Variants in WHRN observed in about 807,000 individuals in gnomAD.
The protein encoded by WHRN is whirlin.
WHRN carries 41 observed loss-of-function variants against 68.3 expected under a neutral mutation model. The observed-to-expected ratio is 0.60, with a 90% CI of 0.47 to 0.78. The LOEUF (loss-of-function observed/expected upper bound fraction) is 0.78, where lower values mean the gene tolerates loss of function less well. Ranked by LOEUF, WHRN falls within the 30% of genes least tolerant of loss-of-function variation. The pLI, the probability that WHRN is intolerant of heterozygous loss-of-function variation, is 0.00. For synonymous variants in WHRN, 560 were observed against 561.3 expected (o/e 1.00, Z 0.03); for missense variants, 1,243 against 1,244.7 (o/e 1.00, Z 0.02).
rs759899337 is a variant in WHRN, at chr9:114,406,546, C to G, written c.2045G>C (p.Arg682Pro). The G allele has an allele frequency of 1.2e-6, 2 of 1,612,726 alleles. No individual in the cohort carries two copies. Among genetic ancestry groups the G allele is most frequent in the African/African-American group, 2.7e-5 (2 of 74,878 alleles). Residue 682 changes from arginine to proline, a missense_variant, in exon 9 of 12, where the codon CGG becomes CCG. By Grantham distance (103) the Arg-to-Pro change is moderately radical (BLOSUM62 -2). Coordinates refer to ENST00000362057, the MANE Select transcript of WHRN (RefSeq NM_015404.4). ...VNQHPIGPFP[R>P]VQSPPHLKSP... ...TTTCAGGTGCGGGGGTGACTGGACC[C>G]GTGGGAAGGGGCCGATGGGGTGTTG... is the stretch of plus-strand genomic sequence containing the variant.
intron 3 of WHRN, among the ~76,000 whole-genome samples, chr9:114,427,933 C>T (rs1837028011): frequency 2.0e-5 from 3 of 152,206 alleles, no homozygotes; most frequent in African/African-American, 7.2e-5. Context: ...CCATTTAGCT[C>T]ACGATCAAGG....
At chr9:114,448,308 C>T (rs1425531073) in intron 3 of WHRN, among the ~76,000 whole-genome samples, 5 of 152,240 alleles carry the variant, frequency 3.3e-5, no homozygotes, top group South Asian at 4.1e-4. Context: ...TGCCACGAGC[C>T]GAAGACCACC....
In WHRN at chr9:114,504,412, G is replaced by C. The variant is rs186148643; in HGVS notation, c.390C>G (p.Pro130=). 5 of 1,605,856 alleles carry C rather than the reference G, an allele frequency of 3.1e-6. No homozygotes were observed. The highest frequency in any genetic ancestry group is 4.2e-6 in the Non-Finnish European group (5 of 1,179,288). The change falls in exon 1 of 12, where the codon CCC becomes CCG. Residue 130 remains proline (P), a synonymous_variant. Transcript: ENST00000362057. The part of the protein sequence containing the change: ...TPYRQPAWGG[P]DSAGPGEVRL... ...GCACCTCCCCTGGCCCCGCGCTGTC[G>C]GGGCCGCCCCAGGCGGGCTGCCTGT... is the stretch of plus-strand genomic sequence containing the variant.
In WHRN at chr9:114,402,792, T is replaced by A. The variant is rs756666810; in HGVS notation, c.2686A>T (p.Ile896Phe). 1.2e-6 allele frequency: 2 copies of A among 1,614,058 alleles called. No individual in the cohort carries two copies. The highest frequency in any genetic ancestry group is 1.7e-6 in the Non-Finnish European group (2 of 1,180,032). ...EAFKTKDRDY[I>F]DFLVTEFNVM... ...TTGAACTCAGTGACCAGAAAGTCAA[T>A]GTAGTCACGGTCCTTAGTCTTGAAG... Residue 896 changes from isoleucine (I) to phenylalanine (F), a missense_variant, in exon 12 of 12, where the codon ATT becomes TTT. Coordinates refer to ENST00000362057, the MANE Select transcript of WHRN (RefSeq NM_015404.4).
chr9:114,424,267 C>T (rs1388362471), intron 6 of WHRN, 67 bp downstream of exon 6: 17 of 1,567,796 alleles, frequency 1.1e-5, no homozygotes, highest in East Asian at 2.2e-5. Flanking sequence ...AGCAAAGGAG[C>T]GGGGGCAGGG....
chr9:114,406,412 G>C lies in WHRN; in HGVS notation c.2179C>G (p.His727Asp). The C allele has an allele frequency of 6.2e-7, 1 of 1,614,160 alleles. No homozygotes were observed. Among genetic ancestry groups the C allele is most frequent in the Non-Finnish European group, 8.5e-7 (1 of 1,180,046 alleles). Residue 727 changes from histidine to aspartate, a missense_variant, in exon 9 of 12, where the codon CAC becomes GAC. His to Asp is a moderately conservative substitution (Grantham distance 81). Transcript: ENST00000362057. The stretch of plus-strand genomic sequence containing the variant: ...ACGTCTGGCTCGCTGTCGGGGCGGT[G>C]GACCTCCACCATGACAAAGTGCTGG... The part of the protein sequence containing the change: ...TNQHFVMVEV[H>D]RPDSEPDVNE...
chr9:114,486,464 T>C (rs1427392633), intron 1 of WHRN, among the ~76,000 whole-genome samples: 3 of 152,204 alleles, frequency 2.0e-5, no homozygotes, highest in Non-Finnish European at 4.4e-5. Flanking sequence ...CTGTTTCCTT[T>C]AGAACCTCTC....
intron 6 of WHRN, 145 bp downstream of exon 6, chr9:114,424,189 C>T (rs573740724): frequency 4.7e-5 from 44 of 927,854 alleles, no homozygotes; most frequent in Non-Finnish European, 7.6e-5. Flanking sequence ...ATCCTGGGGG[C>T]AGGAGGCTGC....
At chr9:114,441,432 C>T (rs1195614748) in intron 3 of WHRN, among the ~76,000 whole-genome samples, 1 of 152,128 alleles carries the variant, frequency 6.6e-6, no homozygotes, top group Non-Finnish European at 1.5e-5. Flanking sequence ...AGCAATAAGC[C>T]CATCTAGCCC....
At chr9:114,414,272 ACTCACTG>A (rs1392805713) in intron 7 of WHRN, among the ~76,000 whole-genome samples, 1 of 152,134 alleles carries the variant, frequency 6.6e-6, no homozygotes, top group Non-Finnish European at 1.5e-5. Flanking sequence ...GCAGTTACTG[ACTCACTG>A]CTCAACCCTG....
At chr9:114,500,607 T>C (rs939858086) in intron 1 of WHRN, among the ~76,000 whole-genome samples, 1 of 152,220 alleles carries the variant, frequency 6.6e-6, no homozygotes, top group African/African-American at 2.4e-5. Flanking sequence ...GGAAGCCGTT[T>C]AATTTTTATT....
intron 3 of WHRN, among the ~76,000 whole-genome samples, chr9:114,457,704 T>A (rs955297644): frequency 2.0e-5 from 3 of 151,966 alleles, no homozygotes; most frequent in Non-Finnish European, 4.4e-5. Context: ...TCACTTGAGG[T>A]TAGGAGTTTG....
chr9:114,429,613 GGCA>G (rs1798901102), intron 3 of WHRN, among the ~76,000 whole-genome samples: 1 of 152,080 alleles, frequency 6.6e-6, no homozygotes, highest in South Asian at 2.1e-4. Context: ...TGAGAACTTC[GGCA>G]GCCCTGGCTG....
intron 2 of WHRN, among the ~76,000 whole-genome samples, chr9:114,475,342 T>G (rs1252991635): frequency 2.0e-5 from 3 of 152,136 alleles, no homozygotes; most frequent in Admixed American, 1.3e-4. Context: ...CAGTGAGCAC[T>G]CTGCACCCTG....
In WHRN at chr9:114,423,404, C is replaced by G; in HGVS notation, c.1536G>C (p.Gly512=). The change falls in exon 7 of 12, where the codon GGG becomes GGC. Residue 512 remains glycine (G), a synonymous_variant. Coordinates refer to ENST00000362057, the MANE Select transcript of WHRN (RefSeq NM_015404.4). ...AGACCATGGAGTAGGTGTCCCCAGC[C>G]CCGGGGCCTGGGGGCTGCCGCGCCT... ...SMKARQPPGP[G]AGDTYSMVSY... 6.2e-7 allele frequency: 1 copy of G among 1,614,038 alleles called. No homozygotes were observed. Among genetic ancestry groups the G allele is most frequent in the Non-Finnish European group, 8.5e-7 (1 of 1,179,984 alleles).
intron 2 of WHRN, among the ~76,000 whole-genome samples, chr9:114,471,705 G>A (rs1841239175): frequency 6.6e-6 from 1 of 152,202 alleles, no homozygotes; most frequent in South Asian, 2.1e-4. Flanking sequence ...CACCAGCCTA[G>A]GTTATCCATT....
At chr9:114,436,918 G>C (rs1489244399) in intron 3 of WHRN, among the ~76,000 whole-genome samples, 4 of 151,482 alleles carry the variant, frequency 2.6e-5, no homozygotes, top group Non-Finnish European at 5.9e-5. Context: ...AAAACTTTTT[G>C]CTATTTAAAA....
chr9:114,492,785 C>T (rs1200542694), intron 1 of WHRN, among the ~76,000 whole-genome samples: 1 of 151,742 alleles, frequency 6.6e-6, no homozygotes, highest in Non-Finnish European at 1.5e-5. Flanking sequence ...CAAGAGCTCA[C>T]GACCAGCCTG....
intron 1 of WHRN, among the ~76,000 whole-genome samples, chr9:114,479,070 C>T (rs985538832): frequency 3.3e-5 from 5 of 152,290 alleles, no homozygotes; most frequent in Admixed American, 2.6e-4. Context: ...TTTACAAGGC[C>T]GGCCTTTGGC....
Sources: allele counts gnomAD v4.1 joint callset (sites outside exome capture counted in the v4.1 genomes callset), GRCh38; gene constraint gnomAD v4.1.1; transcripts MANE v1.5; gene names NCBI Gene and HGNC (gene_info 2026-07-23, HGNC 2026-07-21).